Variants in NKAIN2 observed in about 807,000 individuals in gnomAD.
The protein encoded by NKAIN2 is sodium/potassium-transporting ATPase subunit beta-1-interacting protein 2.
Under a neutral mutation model 32.6 loss-of-function variants are expected in NKAIN2, and 14 were observed. The ratio of observed to expected loss-of-function variants is 0.43; its 90% CI spans 0.28 to 0.67. NKAIN2 has a LOEUF of 0.67. Ranked by LOEUF, NKAIN2 falls within the 30% of genes least tolerant of loss-of-function variation. The pLI is 0.17. For missense variants in NKAIN2, 198 were observed against 258.3 expected, an observed-to-expected ratio of 0.77 and a Z score of 1.60; for synonymous variants, 80 against 87.2, an observed-to-expected ratio of 0.92 and a Z score of 0.46.
At chr6:124,392,114 A>G (rs1454041490) in intron 3 of NKAIN2, among the ~76,000 whole-genome samples, 2 of 152,066 alleles carry the variant, frequency 1.3e-5, no homozygotes, top group South Asian at 2.1e-4. Flanking sequence ...ACTATTATAT[A>G]TTTTTTTCCT....
rs761741453 is a variant in NKAIN2, at chr6:124,470,310, A to G, written c.273+114963A>G. ...AGCCTCATAAGGGATTTTAATTTCT[A>G]TATTAACTCAAGATAAATAATTCAA... On this transcript the variant is annotated intron_variant, in intron 3 of 6. Transcript: ENST00000368417. Among the ~76,000 whole-genome samples the G allele has an allele frequency of 3.7e-4, 56 of 152,224 alleles. No homozygotes were observed. The Middle Eastern group carries it at 0.01, about 28-fold the overall frequency.
In NKAIN2 at chr6:124,388,334, G is replaced by A. The variant is rs1460536553; in HGVS notation, c.273+32987G>A. On this transcript the variant is annotated intron_variant, in intron 3 of 6. Transcript: ENST00000368417. ...TACTCAGGCTAGAAACCTCTACGGT[G>A]GTGGTTCTCTGTAACACACTCACCT... 2.6e-5 allele frequency among the ~76,000 whole-genome samples: 4 copies of A among 151,898 alleles called. No individual in the cohort carries two copies. The East Asian group carries it at 7.7e-4, about 29-fold the overall frequency.
At chr6:124,750,135 G>A (rs1170414432) in intron 4 of NKAIN2, among the ~76,000 whole-genome samples, 1 of 151,868 alleles carries the variant, frequency 6.6e-6, no homozygotes, top group Non-Finnish European at 1.5e-5. Flanking sequence ...TACTTTGTAA[G>A]AATATTTTGA....
chr6:124,496,177 C>T (rs556891477), intron 3 of NKAIN2, among the ~76,000 whole-genome samples: 1 of 152,218 alleles, frequency 6.6e-6, no homozygotes, highest in South Asian at 2.1e-4. Flanking sequence ...TGTGAATAAC[C>T]CTCAAGAATT....
At chr6:124,169,755 A>G (rs909304415) in intron 1 of NKAIN2, among the ~76,000 whole-genome samples, 2 of 151,982 alleles carry the variant, frequency 1.3e-5, no homozygotes, top group Non-Finnish European at 2.9e-5. Context: ...AAATCTTCTT[A>G]GGTGGAAAAT....
chr6:123,909,980 AAGTC>A (rs1775090299), intron 1 of NKAIN2, among the ~76,000 whole-genome samples: 1 of 152,154 alleles, frequency 6.6e-6, no homozygotes, highest in African/African-American at 2.4e-5. Context: ...TTTCAAAGAA[AAGTC>A]TGCCATAAAA....
At chr6:124,530,465 G>A (rs1779480314) in intron 3 of NKAIN2, among the ~76,000 whole-genome samples, 1 of 152,174 alleles carries the variant, frequency 6.6e-6, no homozygotes, top group African/African-American at 2.4e-5. Flanking sequence ...GGTAGAGCAG[G>A]TAGAATGGGA....
chr6:124,723,832 A>G (rs1403493518), intron 4 of NKAIN2, among the ~76,000 whole-genome samples: 2 of 152,234 alleles, frequency 1.3e-5, no homozygotes, highest in East Asian at 3.9e-4. Flanking sequence ...ATCATGTATA[A>G]GCAGATCTTT....
intron 3 of NKAIN2, among the ~76,000 whole-genome samples, chr6:124,472,904 T>C (rs1311587340): frequency 1.3e-5 from 2 of 152,092 alleles, no homozygotes; most frequent in East Asian, 1.9e-4. Flanking sequence ...GATATATAAA[T>C]AAAATGCATT....
chr6:124,002,458 TC>T (rs111351690), intron 1 of NKAIN2, among the ~76,000 whole-genome samples: 8 of 152,096 alleles, frequency 5.3e-5, no homozygotes, highest in South Asian at 2.1e-4. Context: ...CCTTTTTTTT[TC>T]CCCCTTACCA....
chr6:124,813,689 C>T (rs2114866326), intron 5 of NKAIN2, among the ~76,000 whole-genome samples: 1 of 152,214 alleles, frequency 6.6e-6, no homozygotes, highest in South Asian at 2.1e-4. Context: ...GATAATTATT[C>T]CTACCAATCT....
At chr6:124,152,274 T>C (rs1157066611) in intron 1 of NKAIN2, among the ~76,000 whole-genome samples, 1 of 151,978 alleles carries the variant, frequency 6.6e-6, no homozygotes, top group Non-Finnish European at 1.5e-5. Flanking sequence ...ATTGTAAAAG[T>C]CAAATTCTAG....
intron 3 of NKAIN2, among the ~76,000 whole-genome samples, chr6:124,635,409 G>C (rs1783737967): frequency 6.6e-6 from 1 of 151,854 alleles, no homozygotes; most frequent in Non-Finnish European, 1.5e-5. Flanking sequence ...GGAAGAAAGA[G>C]TAAAGAATAT....
chr6:123,822,298 A>C (rs1773958465), intron 1 of NKAIN2, among the ~76,000 whole-genome samples: 1 of 152,038 alleles, frequency 6.6e-6, no homozygotes, highest in African/African-American at 2.4e-5. Context: ...GACATTTCTG[A>C]AGGCCTAGTT....
At chr6:124,102,064 G>A (rs553739163) in intron 1 of NKAIN2, among the ~76,000 whole-genome samples, 3 of 152,208 alleles carry the variant, frequency 2.0e-5, no homozygotes, top group Non-Finnish European at 2.9e-5. Flanking sequence ...GTACCAGATC[G>A]AACTTCAAGG....
intron 1 of NKAIN2, among the ~76,000 whole-genome samples, chr6:124,140,294 A>G (rs1029611990): frequency 1.3e-5 from 2 of 152,220 alleles, no homozygotes; most frequent in East Asian, 1.9e-4. Flanking sequence ...TGCAAAGTTA[A>G]TGACAGCTCT....
chr6:124,293,909 T>C (rs1307690175), intron 2 of NKAIN2, among the ~76,000 whole-genome samples: 1 of 152,148 alleles, frequency 6.6e-6, no homozygotes, highest in East Asian at 1.9e-4. Flanking sequence ...TTCCAGGATA[T>C]TTGCTAATTT....
chr6:124,669,841 A>G (rs373283002), intron 4 of NKAIN2, among the ~76,000 whole-genome samples: 1 of 151,768 alleles, frequency 6.6e-6, no homozygotes, highest in Non-Finnish European at 1.5e-5. Flanking sequence ...TATCCACCTC[A>G]CCATATTCCA....
chr6:124,573,119 C>A (rs534512096), intron 3 of NKAIN2, among the ~76,000 whole-genome samples: 15 of 152,240 alleles, frequency 9.9e-5, no homozygotes, highest in Admixed American at 7.9e-4. Flanking sequence ...GGATTACAAG[C>A]GTGAGCCACC....
Sources: gnomAD v4.1 joint callset for allele counts (sites outside exome capture counted in the v4.1 genomes callset) on GRCh38, gnomAD v4.1.1 for gene constraint, MANE v1.5 for transcripts, NCBI Gene and HGNC (gene_info 2026-07-23, HGNC 2026-07-21) for gene names.